PCED1B: variants seen among roughly 807,000 people sequenced by gnomAD.
PCED1B encodes the protein PC-esterase domain-containing protein 1B.
For missense variants in PCED1B, 573 were observed against 573.9 expected (o/e 1.00, Z 0.02); for synonymous variants, 251 against 246.1 (o/e 1.02, Z -0.19).
chr12:47,089,470 A>ATATG (rs1938161070), intron 1 of PCED1B, among the ~76,000 whole-genome samples: 20 of 99,078 alleles, frequency 2.0e-4, no homozygotes, highest in Non-Finnish European at 3.0e-4. Flanking sequence ...ACATATATAT[A>ATATG]TATATATATA....
rs536453655 is a variant in PCED1B at position 47,150,954 on chromosome 12, G to A, written c.-526+46759G>A. Among the ~76,000 whole-genome samples the A allele has an allele frequency of 2.0e-5, 3 of 152,146 alleles. No homozygotes were observed. The East Asian group carries it at 5.8e-4, about 29-fold the overall frequency. On this transcript the variant is annotated intron_variant, in intron 2 of 3. Coordinates refer to ENST00000546455, the MANE Select transcript of PCED1B (RefSeq NM_138371.3). Reference sequence around the variant, plus strand: ...CTTAATTTTTTAAATTAATATAAATGGTAACAAGCGAACAATTACAAATGA... The same window carrying A: ...CTTAATTTTTTAAATTAATATAAATAGTAACAAGCGAACAATTACAAATGA...
intron 2 of PCED1B, among the ~76,000 whole-genome samples, chr12:47,131,691 A>G (rs73101453): frequency 0.31 from 32,428 of 105,120 alleles, 4,655 homozygotes; most frequent in Non-Finnish European, 0.34. Flanking sequence ...TTTTTTTGAG[A>G]AGGAGTCTCA....
chr12:47,117,507 T>C lies in PCED1B; in HGVS notation c.-526+13312T>C, dbSNP rs1208232500. Among the ~76,000 whole-genome samples, 4 of 152,202 alleles carry C rather than the reference T, an allele frequency of 2.6e-5. No individual in the cohort carries two copies. In the East Asian group the frequency reaches 7.7e-4, roughly 29 times the overall value. On this transcript the variant is annotated intron_variant, in intron 2 of 3. Transcript: ENST00000546455. Reference sequence around the variant, plus strand: ...ATGTTGGTTTCCAGCTTCATCCATGTCCCTACAAAGGACATGAACTCATCC... The same window carrying C: ...ATGTTGGTTTCCAGCTTCATCCATGCCCCTACAAAGGACATGAACTCATCC...
At chr12:47,092,451 G>A (rs1345704371) in intron 1 of PCED1B, among the ~76,000 whole-genome samples, 3 of 151,944 alleles carry the variant, frequency 2.0e-5, no homozygotes, top group Non-Finnish European at 4.4e-5. Flanking sequence ...GAATGTGCAT[G>A]ATCTTATTGT....
chr12:47,083,174 T>C (rs1937824000), intron 1 of PCED1B, among the ~76,000 whole-genome samples: 1 of 151,806 alleles, frequency 6.6e-6, no homozygotes, highest in Non-Finnish European at 1.5e-5. Flanking sequence ...GACAAGAAAT[T>C]AATAGCACAT....
chr12:47,183,299 T>C (rs1942154357), intron 2 of PCED1B, among the ~76,000 whole-genome samples: 1 of 152,236 alleles, frequency 6.6e-6, no homozygotes, highest in South Asian at 2.1e-4. Flanking sequence ...GTCTATCTCT[T>C]GCTGTCTAGG....
At chr12:47,201,174 A>G (rs1942752716) in intron 2 of PCED1B, among the ~76,000 whole-genome samples, 1 of 152,208 alleles carries the variant, frequency 6.6e-6, no homozygotes, top group Non-Finnish European at 1.5e-5. Flanking sequence ...AGAATTTTAC[A>G]GAAATAAAGT....
At chr12:47,119,966 CATAATA>C (rs57171859) in intron 2 of PCED1B, among the ~76,000 whole-genome samples, 35,548 of 148,146 alleles carry the variant, frequency 0.24, 4,836 homozygotes, top group Non-Finnish European at 0.31. Flanking sequence ...ACTCTGTCTC[CATAATA>C]ATAATAATAA....
In PCED1B at chr12:47,236,286, C is replaced by G; in HGVS notation, c.1223C>G (p.Pro408Arg). ...RGFGRYRPRG[P>R]YTPWGQRPRP... Reference sequence around the variant, plus strand: ...TTTGGCAGGTATCGTCCCCGTGGCCCCTATACGCCCTGGGGACAGCGGCCT... The same window carrying G: ...TTTGGCAGGTATCGTCCCCGTGGCCGCTATACGCCCTGGGGACAGCGGCCT... Residue 408 changes from proline to arginine, a missense_variant, in exon 4 of 4, where the codon CCC (proline) becomes CGC (arginine). Physicochemically the swap from Pro to Arg is moderately radical, Grantham distance 103. Coordinates refer to ENST00000546455, the MANE Select transcript of PCED1B (RefSeq NM_138371.3). 1 of 1,614,136 alleles carries G rather than the reference C, an allele frequency of 6.2e-7. No individual in the cohort carries two copies. Among genetic ancestry groups the G allele is most frequent in the South Asian group, 1.1e-5 (1 of 91,078 alleles).
At chr12:47,191,338 A>G (rs1381299630) in intron 2 of PCED1B, among the ~76,000 whole-genome samples, 1 of 152,206 alleles carries the variant, frequency 6.6e-6, no homozygotes, top group Non-Finnish European at 1.5e-5. Context: ...TTACGACTCC[A>G]TACATTTAAT....
At chr12:47,194,631 A>G (rs1942546241) in intron 2 of PCED1B, among the ~76,000 whole-genome samples, 1 of 152,190 alleles carries the variant, frequency 6.6e-6, no homozygotes, top group Non-Finnish European at 1.5e-5. Context: ...TTCTTAGAAT[A>G]TTGAGGTCTC....
intron 2 of PCED1B, among the ~76,000 whole-genome samples, chr12:47,131,989 G>T (rs900341822): frequency 2.0e-5 from 3 of 152,064 alleles, no homozygotes; most frequent in Non-Finnish European, 2.9e-5. Context: ...CTTCTATTTA[G>T]TTATACTTAC....
chr12:47,127,367 T>C (rs1939930231), intron 2 of PCED1B, among the ~76,000 whole-genome samples: 1 of 136,196 alleles, frequency 7.3e-6, no homozygotes, highest in Admixed American at 7.9e-5. Context: ...TGTTTTTTAT[T>C]TCTTTTTTTT....
intron 2 of PCED1B, among the ~76,000 whole-genome samples, chr12:47,198,470 T>C (rs942079997): frequency 5.9e-5 from 9 of 152,080 alleles, no homozygotes; most frequent in African/African-American, 1.9e-4. Flanking sequence ...GGAAACTAGA[T>C]TCTTTCTCCC....
rs145147642 is a variant in PCED1B, at chr12:47,143,840, T to C, written c.-526+39645T>C. On this transcript the variant is annotated intron_variant, in intron 2 of 3. Transcript: ENST00000546455. ...CAAAGCTATAGTAATCAAAATAGTA[T>C]GGTACTGGTGTAAAAATAGACACAT... 1.5e-3 allele frequency among the ~76,000 whole-genome samples: 224 copies of C among 152,142 alleles called. 1 individual carries two copies. Among genetic ancestry groups the C allele is most frequent in the Middle Eastern group, 0.014 (4 of 294 alleles).
intron 2 of PCED1B, among the ~76,000 whole-genome samples, chr12:47,150,940 A>T (rs1478818747): frequency 3.3e-5 from 5 of 152,208 alleles, no homozygotes; most frequent in Non-Finnish European, 5.9e-5. Flanking sequence ...TTAATTTTTT[A>T]AATTAATATA....
chr12:47,152,413 C>T (rs934293101), intron 2 of PCED1B, among the ~76,000 whole-genome samples: 26 of 152,070 alleles, frequency 1.7e-4, no homozygotes, highest in South Asian at 1.5e-3. Context: ...TGTTGAATCA[C>T]GAGAAAACAT....
intron 3 of PCED1B, chr12:47,223,510 T>C (rs1943547462): frequency 2.6e-5 from 4 of 152,170 alleles, no homozygotes; most frequent in Admixed American, 2.6e-4. Flanking sequence ...TCAAAGATGT[T>C]TCCTTTCTTT....
At chr12:47,102,270 A>T (rs187220379) in intron 1 of PCED1B, among the ~76,000 whole-genome samples, 7 of 152,374 alleles carry the variant, frequency 4.6e-5, no homozygotes, top group Admixed American at 4.6e-4. Context: ...TATCCAAAAA[A>T]GTAAGTGTAT....
Sources: allele counts gnomAD v4.1 joint callset (sites outside exome capture counted in the v4.1 genomes callset), GRCh38; gene constraint gnomAD v4.1.1; transcripts MANE v1.5; gene names NCBI Gene and HGNC (gene_info 2026-07-23, HGNC 2026-07-21).